Variants in ERC1 observed in about 807,000 individuals in gnomAD.
ERC1 encodes the protein ELKS/RAB6-interacting/CAST family member 1.
Under a neutral mutation model 132.0 loss-of-function variants are expected in ERC1, and 56 were observed. The observed-to-expected ratio is 0.42, with a 90% CI of 0.34 to 0.53. The LOEUF (loss-of-function observed/expected upper bound fraction) is 0.53, where lower values mean the gene tolerates loss of function less well. Ranked by LOEUF, ERC1 falls within the 20% of genes least tolerant of loss-of-function variation. ERC1 has a pLI of 0.03. For synonymous variants in ERC1, 478 were observed against 476.1 expected, an observed-to-expected ratio of 1.00 and a Z score of -0.05; for missense variants, 1,202 against 1,349.9, an observed-to-expected ratio of 0.89 and a Z score of 1.72.
At chr12:1,463,708 T>TGTGTGTGTGTGC (rs1415713531) in intron 18 of ERC1, among the ~76,000 whole-genome samples, 38 of 150,410 alleles carry the variant, frequency 2.5e-4, no homozygotes, top group African/African-American at 9.0e-4. Context: ...TGTGTGTGTG[T>TGTGTGTGTGTGC]GTGTGTGTGT....
At chr12:1,065,599 G>A (rs75994735) in intron 2 of ERC1, among the ~76,000 whole-genome samples, 2 of 5,752 alleles carry the variant, frequency 3.5e-4, no homozygotes, top group Non-Finnish European at 6.9e-4. Flanking sequence ...TTTTTGGGGC[G>A]GGGGGGGACG....
chr12:1,363,386 A>G (rs569590216), intron 15 of ERC1, among the ~76,000 whole-genome samples: 36 of 152,180 alleles, frequency 2.4e-4, no homozygotes, highest in African/African-American at 8.2e-4. Flanking sequence ...TCCACCTACA[A>G]TTTTGTTCAA....
rs150223130 is a variant in ERC1, at chr12:1,005,736, G to A, written c.-157+14414G>A. On this transcript the variant is annotated intron_variant, in intron 1 of 18. Coordinates refer to ENST00000360905, the MANE Select transcript of ERC1 (RefSeq NM_178040.4). ...TTTAAAATAAATTAATTGAAAATGGGCATAAATTATTTGTTAAGTTTGAAC... is the reference window on the plus strand; with the variant it reads ...TTTAAAATAAATTAATTGAAAATGGACATAAATTATTTGTTAAGTTTGAAC... Among the ~76,000 whole-genome samples the A allele has an allele frequency of 2.0e-4, 30 of 152,040 alleles. No homozygotes were observed. In the East Asian group the frequency reaches 5.4e-3, roughly 27 times the overall value.
intron 7 of ERC1, among the ~76,000 whole-genome samples, chr12:1,117,008 C>T (rs1490946607): frequency 6.6e-6 from 1 of 152,088 alleles, no homozygotes; most frequent in African/African-American, 2.4e-5. Context: ...AATCCCAGAT[C>T]GATTCTTATC....
At chr12:1,180,492 T>C in intron 8 of ERC1, 48 bp from the exon 9 acceptor site, 1 of 1,577,432 alleles carries the variant, frequency 6.3e-7, no homozygotes, top group Non-Finnish European at 8.7e-7. Flanking sequence ...TGCTATTGTT[T>C]TTTTATACAT....
At chr12:1,384,393 T>G (rs6489283) in intron 16 of ERC1, among the ~76,000 whole-genome samples, 33,607 of 152,128 alleles carry the variant, frequency 0.22, 6,960 homozygotes, top group African/African-American at 0.55. Context: ...TTCGAAAATC[T>G]GTGTGCTCAT....
chr12:1,221,321 C>T (rs145792707), intron 12 of ERC1, among the ~76,000 whole-genome samples: 1 of 152,276 alleles, frequency 6.6e-6, no homozygotes, highest in Non-Finnish European at 1.5e-5. Context: ...CAGTCCTCAT[C>T]TCAGATCTAT....
intron 3 of ERC1, among the ~76,000 whole-genome samples, chr12:1,091,108 C>G (rs1333469876): frequency 1.3e-5 from 2 of 152,134 alleles, no homozygotes; most frequent in Non-Finnish European, 1.5e-5. Flanking sequence ...AGGCTGGTCT[C>G]AAACTCCTGA....
At chr12:1,350,831 C>A (rs1207911021) in intron 15 of ERC1, among the ~76,000 whole-genome samples, 1 of 152,214 alleles carries the variant, frequency 6.6e-6, no homozygotes, top group Non-Finnish European at 1.5e-5. Flanking sequence ...CAAGGGCTTT[C>A]ATGCTGCGTC....
intron 15 of ERC1, among the ~76,000 whole-genome samples, chr12:1,360,319 ATCTT>A (rs1159355156): frequency 6.6e-6 from 1 of 152,356 alleles, no homozygotes; most frequent in East Asian, 1.9e-4. Flanking sequence ...AAGTAGAAGA[ATCTT>A]TCTATCAAAA....
intron 18 of ERC1, among the ~76,000 whole-genome samples, chr12:1,451,005 CTGT>C (rs959109075): frequency 1.6e-4 from 25 of 152,192 alleles, no homozygotes; most frequent in African/African-American, 5.5e-4. Flanking sequence ...ATCAGGTTTT[CTGT>C]TGTTGTTGTT....
At chr12:1,177,123 G>A (rs1433868913) in intron 8 of ERC1, among the ~76,000 whole-genome samples, 1 of 152,220 alleles carries the variant, frequency 6.6e-6, no homozygotes, top group Non-Finnish European at 1.5e-5. Context: ...AATGAAGAGA[G>A]TTAGGGCCTT....
At chr12:1,128,717 T>A (rs924810756) in intron 7 of ERC1, among the ~76,000 whole-genome samples, 66 of 152,276 alleles carry the variant, frequency 4.3e-4, no homozygotes, top group African/African-American at 1.5e-3. Flanking sequence ...CTATTATAAT[T>A]AATAAATGCA....
intron 8 of ERC1, chr12:1,152,206 GAA>G (rs35431114): frequency 6.0e-5 from 7 of 117,278 alleles, no homozygotes; most frequent in Non-Finnish European, 9.1e-5. Context: ...GTATCAAAAA[GAA>G]AAAAAAAAAA....
At chr12:1,273,298 A>G (rs1594708013) in intron 14 of ERC1, among the ~76,000 whole-genome samples, 2 of 152,184 alleles carry the variant, frequency 1.3e-5, no homozygotes, top group East Asian at 1.9e-4. Context: ...TGCATTTCCT[A>G]TGTACTGCAA....
At chr12:1,296,413 T>TTTTTTTC (rs2079945824) in intron 15 of ERC1, among the ~76,000 whole-genome samples, 1 of 117,576 alleles carries the variant, frequency 8.5e-6, no homozygotes, top group Non-Finnish European at 1.9e-5. Flanking sequence ...TTTTTTTTTT[T>TTTTTTTC]TTTTTTTTTT....
intron 11 of ERC1, among the ~76,000 whole-genome samples, chr12:1,185,072 G>A (rs898052895): frequency 3.3e-5 from 5 of 152,092 alleles, no homozygotes; most frequent in African/African-American, 9.7e-5. Context: ...CGCTGTGCCC[G>A]GCTAATTTTT....
At chr12:1,073,072 C>T (rs9738999) in intron 2 of ERC1, among the ~76,000 whole-genome samples, 3,692 of 152,130 alleles carry the variant, frequency 0.024, 160 homozygotes, top group African/African-American at 0.084. Flanking sequence ...GAGGCTGAAG[C>T]GGGTAGATCA....
intron 17 of ERC1, among the ~76,000 whole-genome samples, chr12:1,422,505 T>C (rs567476078): frequency 6.6e-6 from 1 of 152,066 alleles, no homozygotes; most frequent in Non-Finnish European, 1.5e-5. Context: ...AGCTCATCTG[T>C]GTTGCTAAAA....
Sources: allele counts gnomAD v4.1 joint callset (sites outside exome capture counted in the v4.1 genomes callset), GRCh38; gene constraint gnomAD v4.1.1; transcripts MANE v1.5; gene names NCBI Gene and HGNC (gene_info 2026-07-23, HGNC 2026-07-21).